CACNA2D3: variants seen among roughly 807,000 people sequenced by gnomAD.
CACNA2D3 encodes calcium voltage-gated channel auxiliary subunit alpha2delta 3.
CACNA2D3 carries 60 observed loss-of-function variants against 160.6 expected under a neutral mutation model. The ratio of observed to expected loss-of-function variants is 0.37; its 90% CI spans 0.30 to 0.46. The LOEUF (loss-of-function observed/expected upper bound fraction) is 0.46, where lower values mean the gene tolerates loss of function less well. Ranked by LOEUF, CACNA2D3 falls within the 20% of genes least tolerant of loss-of-function variation. CACNA2D3 has a pLI of 1.00. For synonymous variants in CACNA2D3, 558 were observed against 492.9 expected, an observed-to-expected ratio of 1.13 and a Z score of -1.75; for missense variants, 1,205 against 1,365.0, an observed-to-expected ratio of 0.88 and a Z score of 1.85.
At chr3:54,454,429 A>G (rs1002651403) in intron 4 of CACNA2D3, among the ~76,000 whole-genome samples, 1 of 152,116 alleles carries the variant, frequency 6.6e-6, no homozygotes, top group Non-Finnish European at 1.5e-5. Context: ...GGCTTTTATT[A>G]TTATAACTTT....
intron 11 of CACNA2D3, among the ~76,000 whole-genome samples, chr3:54,676,797 G>T (rs1309222951): frequency 6.6e-6 from 1 of 152,168 alleles, no homozygotes. Context: ...GATTTAGATT[G>T]CTCTTGTAGG....
intron 2 of CACNA2D3, among the ~76,000 whole-genome samples, chr3:54,241,383 T>C (rs1371003472): frequency 1.3e-5 from 2 of 152,110 alleles, no homozygotes; most frequent in East Asian, 1.9e-4. Flanking sequence ...ACCTCTATTA[T>C]AGAAGAGAAA....
chr3:54,648,429 GC>G (rs1166991915), intron 11 of CACNA2D3, among the ~76,000 whole-genome samples: 1 of 152,154 alleles, frequency 6.6e-6, no homozygotes, highest in Non-Finnish European at 1.5e-5. Context: ...TTACTATCAA[GC>G]CCTTTAAGAA....
At chr3:54,430,977 G>T (rs1428868655) in intron 4 of CACNA2D3, among the ~76,000 whole-genome samples, 2 of 152,074 alleles carry the variant, frequency 1.3e-5, no homozygotes, top group Non-Finnish European at 2.9e-5. Context: ...CACATATTTT[G>T]TGTGTTATAT....
At chr3:55,044,781 G>A (rs1704040037) in intron 35 of CACNA2D3, among the ~76,000 whole-genome samples, 1 of 152,038 alleles carries the variant, frequency 6.6e-6, no homozygotes, top group Admixed American at 6.5e-5. Flanking sequence ...AGTTAAGGGA[G>A]TTCCTTCTGT....
chr3:54,911,351 C>CTCTTTTTTT (rs1700551632), intron 27 of CACNA2D3, among the ~76,000 whole-genome samples: 1 of 58,586 alleles, frequency 1.7e-5, no homozygotes. Flanking sequence ...TCTTTGTCGT[C>CTCTTTTTTT]TTTTTTTTTT....
intron 31 of CACNA2D3, among the ~76,000 whole-genome samples, chr3:54,988,198 CAA>C (rs975318503): frequency 2.0e-5 from 3 of 152,154 alleles, no homozygotes; most frequent in African/African-American, 7.2e-5. Flanking sequence ...TTTAGAAAAT[CAA>C]GTGAAAATTC....
chr3:54,764,617 C>T (rs1287713187), intron 13 of CACNA2D3, among the ~76,000 whole-genome samples: 2 of 152,180 alleles, frequency 1.3e-5, no homozygotes, highest in African/African-American at 4.8e-5. Flanking sequence ...ACTTCTGTCC[C>T]ACTTTTTCAC....
rs561302806 is a variant in CACNA2D3, at chr3:54,280,780, A to C, written c.205-39662A>C. The stretch of plus-strand genomic sequence containing the variant: ...TCTGCATCATTCATTCCCTCTCGCC[A>C]TCACCTTTCTTAGCTAACGATTCCT... On this transcript the variant is annotated intron_variant, in intron 2 of 37. Coordinates refer to ENST00000474759, the MANE Select transcript of CACNA2D3 (RefSeq NM_018398.3). 5.3e-4 allele frequency among the ~76,000 whole-genome samples: 81 copies of C among 152,132 alleles called. 1 individual carries two copies. Among genetic ancestry groups the C allele is most frequent in the African/African-American group, 1.9e-3 (79 of 41,488 alleles).
At chr3:55,062,219 A>G (rs899220104) in intron 35 of CACNA2D3, among the ~76,000 whole-genome samples, 2 of 151,756 alleles carry the variant, frequency 1.3e-5, no homozygotes, top group African/African-American at 4.8e-5. Context: ...TCCTGGGCTC[A>G]AGTGATCCTC....
chr3:54,917,818 G>A (rs1559627992), intron 27 of CACNA2D3, among the ~76,000 whole-genome samples: 1 of 152,084 alleles, frequency 6.6e-6, no homozygotes, highest in Non-Finnish European at 1.5e-5. Context: ...ATCCGGACAT[G>A]GAATCTTCTT....
chr3:54,174,130 A>T (rs755397313), intron 2 of CACNA2D3, among the ~76,000 whole-genome samples: 2 of 152,210 alleles, frequency 1.3e-5, no homozygotes, highest in Non-Finnish European at 2.9e-5. Flanking sequence ...AAAGGCAGGG[A>T]CATGCCTGTA....
At chr3:55,066,231 C>A (rs1704633378) in intron 35 of CACNA2D3, among the ~76,000 whole-genome samples, 1 of 152,198 alleles carries the variant, frequency 6.6e-6, no homozygotes. Flanking sequence ...ACACTGTGAA[C>A]AGGGCCAGTG....
At chr3:54,628,312 T>C (rs917780008) in intron 10 of CACNA2D3, among the ~76,000 whole-genome samples, 4 of 152,218 alleles carry the variant, frequency 2.6e-5, no homozygotes, top group African/African-American at 9.6e-5. Flanking sequence ...AGAGTGAGAC[T>C]GGCTGGCCAT....
chr3:54,531,450 C>T (rs539292287), intron 5 of CACNA2D3, among the ~76,000 whole-genome samples: 6 of 152,184 alleles, frequency 3.9e-5, no homozygotes, highest in African/African-American at 9.6e-5. Flanking sequence ...GTTTCAATCT[C>T]GTTTTGAGCT....
chr3:54,470,211 C>G (rs1700704895), intron 4 of CACNA2D3, among the ~76,000 whole-genome samples: 1 of 152,146 alleles, frequency 6.6e-6, no homozygotes, highest in Admixed American at 6.5e-5. Flanking sequence ...AAAGGAAGCC[C>G]ATCAGAATAA....
In CACNA2D3 at chr3:54,621,006, A is replaced by G. The variant is rs533732494; in HGVS notation, c.964-6781A>G. ...GCCTTCCCATGGTGGAGTTGCTGCA[A>G]CAACCTTTGTCCACTCCTAATGGGT... On this transcript the variant is annotated intron_variant, in intron 9 of 37. Transcript: ENST00000474759. Among the ~76,000 whole-genome samples, 197 of 152,326 alleles carry G rather than the reference A, an allele frequency of 1.3e-3. 1 individual carries two copies. Among genetic ancestry groups the G allele is most frequent in the Non-Finnish European group, 2.3e-3 (158 of 68,028 alleles).
chr3:54,128,056 G>A (rs1699631594), intron 2 of CACNA2D3, among the ~76,000 whole-genome samples: 1 of 152,042 alleles, frequency 6.6e-6, no homozygotes, highest in Non-Finnish European at 1.5e-5. Flanking sequence ...AAAATTAAGG[G>A]AAAATGAAAA....
chr3:54,418,967 C>G (rs1441065276), intron 4 of CACNA2D3, among the ~76,000 whole-genome samples: 3 of 152,210 alleles, frequency 2.0e-5, no homozygotes, highest in Non-Finnish European at 4.4e-5. Context: ...GCTTTCAGCC[C>G]TGTCAGCAGA....
Sources: allele counts gnomAD v4.1 joint callset (sites outside exome capture counted in the v4.1 genomes callset), GRCh38; gene constraint gnomAD v4.1.1; transcripts MANE v1.5; gene names NCBI Gene and HGNC (gene_info 2026-07-23, HGNC 2026-07-21).